The following ZNF765 variants were observed in gnomAD, a reference collection of about 807,000 sequenced individuals.
ZNF765 encodes zinc finger protein 765.
A neutral mutation model predicts 44.7 loss-of-function variants in ZNF765; 37 were observed. The observed-to-expected ratio is 0.83, with a 90% CI of 0.64 to 1.09. ZNF765 has a LOEUF of 1.09. Among genes scored for constraint, ZNF765 ranks in the 50% least tolerant of loss-of-function variants. ZNF765 has a pLI of 0.00. For synonymous variants in ZNF765, 201 were observed against 213.7 expected, an observed-to-expected ratio of 0.94 and a Z score of 0.52; for missense variants, 594 against 626.1, an observed-to-expected ratio of 0.95 and a Z score of 0.55.
rs10675178 is a variant in ZNF765 at position 53,405,903 on chromosome 19, CTATATATATATATATATATATATATA to C, written c.143-1772_143-1747del. Among the ~76,000 whole-genome samples, 265 of 49,180 alleles carry C rather than the reference CTATATATATATATATATATATATATA, an allele frequency of 5.4e-3. 5 individuals are homozygous for C. The highest frequency in any genetic ancestry group is 9.0e-3 in the Admixed American group (31 of 3,460). The allele number at this position is 49,180 out of a possible 152,430, so 32.3% of individuals were successfully genotyped here. Reference sequence around the variant, plus strand: ...TAGTGAACTAGATAATTAATACCAACTATATATATATATATATATATATATATATATATATATATATATATATAAAA... The same window carrying C: ...TAGTGAACTAGATAATTAATACCAACTATATATATATATATATATATAAAA... On this transcript the variant is annotated intron_variant, in intron 3 of 3. Coordinates refer to ENST00000396408, the MANE Select transcript of ZNF765 (RefSeq NM_001040185.3).
At chr19:53,418,262 G>T (rs931496023) in intron 3 of ZNF765, among the ~76,000 whole-genome samples, 3 of 151,982 alleles carry the variant, frequency 2.0e-5, no homozygotes, top group Non-Finnish European at 4.4e-5. Flanking sequence ...TTAGCCGGGC[G>T]TGGTGGCGGG....
rs755218332 is a variant in ZNF765, at chr19:53,408,575, G to T, written c.1020G>T (p.Ser340=). 1.3e-6 allele frequency: 2 copies of T among 1,593,528 alleles called. No homozygotes were observed. Among genetic ancestry groups the T allele is most frequent in the Non-Finnish European group, 1.7e-6 (2 of 1,172,310 alleles). ...NECGKTFSQK[S]YLTCHRRLHT... is the part of the protein sequence containing the mutation. ...GTGGCAAGACCTTTAGTCAGAAGTC[G>T]TACCTTACATGCCATCGTAGGCTTC... The change falls in exon 4 of 4, where the codon TCG becomes TCT. Residue 340 remains serine (S), a synonymous_variant. Coordinates refer to ENST00000396408, the MANE Select transcript of ZNF765 (RefSeq NM_001040185.3).
In ZNF765 at chr19:53,410,800, A is replaced by G. The variant is rs901447756; in HGVS notation, c.*1673A>G. On this transcript the variant is annotated 3_prime_UTR_variant, in exon 4 of 4. Coordinates refer to ENST00000396408, the MANE Select transcript of ZNF765 (RefSeq NM_001040185.3). ...CAAGGTCTCAGTCAAGCTTCATTCT[A>G]TGCAAAACATAGGAGAATTCATACA... is the stretch of plus-strand genomic sequence containing the variant. 4.3e-6 allele frequency: 2 copies of G among 460,538 alleles called. No individual in the cohort carries two copies. The highest frequency in any genetic ancestry group is 2.0e-5 in the African/African-American group (1 of 49,824). 28.5% of individuals were successfully genotyped at this position (460,538 alleles called of 1,614,324 possible). A position where few individuals can be genotyped will look rare whatever the true frequency, so the allele number is the denominator to read the frequency against.
downstream of ZNF765, among the ~76,000 whole-genome samples, chr19:53,416,116 G>T (rs1600065424): frequency 6.6e-6 from 1 of 152,176 alleles, no homozygotes; most frequent in African/African-American, 2.4e-5. Flanking sequence ...CACCGTGCTG[G>T]CTAATTTTTA....
At chr19:53,402,642 A>G (rs944701343) in intron 3 of ZNF765, among the ~76,000 whole-genome samples, 1 of 151,988 alleles carries the variant, frequency 6.6e-6, no homozygotes, top group Admixed American at 6.6e-5. Context: ...GCTCACTGCA[A>G]TCTTGAATTC....
Position 53,409,089 on chromosome 19 carries a change from CAT to C in ZNF765, c.1536_1537del (p.His512GlnfsTer23), listed in dbSNP as rs372314979. ...CAGTTTCAAATCAAACCTTGAAAGA[CAT>C]AGGAGAATTTATACTGGAGAGAAAC... ...AFSFKSNLER[H>X]RRIYTGEKLH... is the part of the protein sequence containing the mutation. On this transcript the variant is annotated frameshift_variant, in exon 4 of 4. Transcript: ENST00000396408. LOFTEE classifies it high-confidence loss of function. 14 of 1,613,722 alleles carry C rather than the reference CAT, an allele frequency of 8.7e-6. No homozygotes were observed. The African/African-American group carries it at 1.1e-4, about 12-fold the overall frequency.
intron 3 of ZNF765, among the ~76,000 whole-genome samples, chr19:53,421,959 C>G (rs1330736589): frequency 6.6e-6 from 1 of 152,156 alleles, no homozygotes; most frequent in Non-Finnish European, 1.5e-5. Flanking sequence ...AAATGAGTCT[C>G]TGTGTGGCTG....
intron 3 of ZNF765, among the ~76,000 whole-genome samples, chr19:53,403,909 C>A (rs958254581): frequency 6.6e-6 from 1 of 151,458 alleles, no homozygotes; most frequent in Non-Finnish European, 1.5e-5. Context: ...TACTAGAACT[C>A]TGTATTTATG....
chr19:53,416,181 T>G (rs2085874022), downstream of ZNF765, among the ~76,000 whole-genome samples: 1 of 152,200 alleles, frequency 6.6e-6, no homozygotes, highest in African/African-American at 2.4e-5. Flanking sequence ...CTTGAACTCC[T>G]GACCTCAAGT....
intron 3 of ZNF765, among the ~76,000 whole-genome samples, chr19:53,419,340 C>G (rs1322921842): frequency 2.0e-5 from 3 of 152,194 alleles, no homozygotes; most frequent in African/African-American, 7.2e-5. Flanking sequence ...TCCACACCCT[C>G]AAGTGGCAGT....
In ZNF765 at chr19:53,410,321, A is replaced by T. The variant is rs1290175312; in HGVS notation, c.*1194A>T. ...AGCCTCCAAAGACAGGAGAATTCAT[A>T]CTGGAGAGAAAGCTTACATATGTGA... is the stretch of plus-strand genomic sequence containing the variant. On this transcript the variant is annotated 3_prime_UTR_variant, in exon 4 of 4. Coordinates refer to ENST00000396408, the MANE Select transcript of ZNF765 (RefSeq NM_001040185.3). 2 of 356,368 alleles carry T rather than the reference A, an allele frequency of 5.6e-6. No individual in the cohort carries two copies. Among genetic ancestry groups the T allele is most frequent in the Non-Finnish European group, 1.1e-5 (2 of 177,286 alleles). The allele number at this position is 356,368 out of a possible 1,614,324, so 22.1% of individuals were successfully genotyped here. A position where few individuals can be genotyped will look rare whatever the true frequency, so the allele number is the denominator to read the frequency against.
intron 2 of ZNF765, among the ~76,000 whole-genome samples, chr19:53,400,394 A>G (rs554866974): frequency 6.6e-6 from 1 of 152,036 alleles, no homozygotes; most frequent in Non-Finnish European, 1.5e-5. Flanking sequence ...TACTACAGAT[A>G]TCTCACGATT....
chr19:53,422,199 A>C (rs1444813491), intron 3 of ZNF765, among the ~76,000 whole-genome samples: 1 of 152,250 alleles, frequency 6.6e-6, no homozygotes, highest in Non-Finnish European at 1.5e-5. Flanking sequence ...TAAAATAGAA[A>C]TTAAATATGT....
At chr19:53,402,475 T>C (rs934603735) in intron 3 of ZNF765, among the ~76,000 whole-genome samples, 1 of 152,026 alleles carries the variant, frequency 6.6e-6, no homozygotes, top group Non-Finnish European at 1.5e-5. Context: ...TTAGCCAGGA[T>C]GGCCTTGAAA....
At position 53,410,609 on chromosome 19, in the gene ZNF765, A is replaced by G. The variant is rs1009824497; in HGVS notation, c.*1482A>G. ...CTTTACTTATGTAATGATTGTCACA[A>G]AGTCTTCAGTTACACTACAACCATT... On this transcript the variant is annotated 3_prime_UTR_variant, in exon 4 of 4. Coordinates refer to ENST00000396408, the MANE Select transcript of ZNF765 (RefSeq NM_001040185.3). 2 of 470,114 alleles carry G rather than the reference A, an allele frequency of 4.3e-6. No individual in the cohort carries two copies. Among genetic ancestry groups the G allele is most frequent in the East Asian group, 1.1e-4 (2 of 17,710 alleles). 29.1% of individuals were successfully genotyped at this position (470,114 alleles called of 1,614,324 possible).
chr19:53,400,879 C>T (rs2085719245), intron 2 of ZNF765, among the ~76,000 whole-genome samples: 2 of 151,590 alleles, frequency 1.3e-5, no homozygotes, highest in South Asian at 4.2e-4. Flanking sequence ...GTTGCCCAGG[C>T]TGGAGCACAG....
chr19:53,396,255 T>C (rs1232499857), intron 1 of ZNF765, among the ~76,000 whole-genome samples: 5 of 150,954 alleles, frequency 3.3e-5, no homozygotes, highest in Admixed American at 1.3e-4. Context: ...GATGAGGGTA[T>C]AACAGGGAAG....
At chr19:53,414,477 ACACACACACACACCCCCCCCCCCC>A (rs1568786026), downstream of ZNF765, among the ~76,000 whole-genome samples, 20 of 10,526 alleles carry the variant, frequency 1.9e-3, no homozygotes, top group East Asian at 4.2e-3. Context: ...ACACACACAC[ACACACACACACACCCCCCCCCCCC>A]CCCCCCCCGG....
chr19:53,402,311 C>G, intron 3 of ZNF765, 120 bp downstream of exon 3: 1 of 1,467,082 alleles, frequency 6.8e-7, no homozygotes, highest in South Asian at 1.3e-5. Flanking sequence ...GGCTGGAGTG[C>G]TGTGGCATGA....
Sources: gnomAD v4.1 joint callset for allele counts (sites outside exome capture counted in the v4.1 genomes callset) on GRCh38, gnomAD v4.1.1 for gene constraint, MANE v1.5 for transcripts, NCBI Gene and HGNC (gene_info 2026-07-23, HGNC 2026-07-21) for gene names.